Variants in FGGY observed in about 807,000 individuals in gnomAD.
FGGY encodes the protein FGGY carbohydrate kinase domain containing, also known as FGGY carbohydrate kinase domain-containing protein.
A neutral mutation model predicts 71.3 loss-of-function variants in FGGY; 72 were observed. The ratio of observed to expected loss-of-function variants is 1.01; its 90% CI spans 0.84 to 1.23. The LOEUF (loss-of-function observed/expected upper bound fraction) is 1.23, where lower values mean the gene tolerates loss of function less well. FGGY is among the 50% of genes most tolerant of loss of function. FGGY has a pLI of 0.00. For missense variants in FGGY, 668 were observed against 682.3 expected, an observed-to-expected ratio of 0.98 and a Z score of 0.23; for synonymous variants, 251 against 250.3, an observed-to-expected ratio of 1.00 and a Z score of -0.02.
Position 59,624,651 on chromosome 1 carries a change from G to C in FGGY, c.1012-1337G>C, listed in dbSNP as rs146951692. Among the ~76,000 whole-genome samples the C allele has an allele frequency of 1.1e-3, 175 of 152,228 alleles. 2 individuals are homozygous for C. The highest frequency in any genetic ancestry group is 3.9e-3 in the African/African-American group (163 of 41,538). Reference sequence around the variant, plus strand: ...TCACAATCATAGCAGAAGGCGAAAGGCATGTCTAACATGGCGGCAGGCAAG... The same window carrying C: ...TCACAATCATAGCAGAAGGCGAAAGCCATGTCTAACATGGCGGCAGGCAAG... On this transcript the variant is annotated intron_variant, in intron 9 of 15. Coordinates refer to ENST00000303721, the MANE Select transcript of FGGY (RefSeq NM_018291.5).
intron 5 of FGGY, among the ~76,000 whole-genome samples, chr1:59,414,087 G>C (rs1571853247): frequency 6.6e-6 from 1 of 152,210 alleles, no homozygotes; most frequent in South Asian, 2.1e-4. Flanking sequence ...AATTCTTCTT[G>C]TCATGACTGT....
chr1:59,609,147 A>G (rs2096651448), intron 9 of FGGY, among the ~76,000 whole-genome samples: 1 of 152,234 alleles, frequency 6.6e-6, no homozygotes, highest in Admixed American at 6.5e-5. Flanking sequence ...GAAAAAAGAC[A>G]TGGAAGTGAA....
intron 5 of FGGY, among the ~76,000 whole-genome samples, chr1:59,453,790 A>G (rs1317310871): frequency 6.6e-6 from 1 of 152,186 alleles, no homozygotes; most frequent in African/African-American, 2.4e-5. Flanking sequence ...TTTTGGCTAA[A>G]TTCAGTCATG....
At chr1:59,627,693 T>C (rs1480291655) in intron 10 of FGGY, among the ~76,000 whole-genome samples, 1 of 151,766 alleles carries the variant, frequency 6.6e-6, no homozygotes, top group East Asian at 1.9e-4. Flanking sequence ...ATAAAAGTAA[T>C]CAGGACTTCT....
chr1:59,719,244 A>G (rs1484448503), intron 14 of FGGY, among the ~76,000 whole-genome samples: 1 of 152,152 alleles, frequency 6.6e-6, no homozygotes, highest in Admixed American at 6.5e-5. Context: ...TTCTTAACAA[A>G]GAAGTCAACA....
intron 1 of FGGY, among the ~76,000 whole-genome samples, chr1:59,304,948 T>A (rs1184863179): frequency 6.6e-6 from 1 of 152,152 alleles, no homozygotes; most frequent in African/African-American, 2.4e-5. Flanking sequence ...TTATTAGTTC[T>A]AACAGTTTTT....
intron 4 of FGGY, among the ~76,000 whole-genome samples, chr1:59,357,489 T>A (rs9988574): frequency 0.023 from 3,465 of 152,306 alleles, 142 homozygotes; most frequent in African/African-American, 0.079. Flanking sequence ...ATGAAATGAC[T>A]TCTCTACAGG....
At chr1:59,696,594 TC>T (rs1218320368) in intron 14 of FGGY, among the ~76,000 whole-genome samples, 2 of 152,218 alleles carry the variant, frequency 1.3e-5, no homozygotes, top group African/African-American at 4.8e-5. Flanking sequence ...AGCATCAGAC[TC>T]CCAGTCCAGT....
chr1:59,301,329 CTT>C, intron 1 of FGGY, among the ~76,000 whole-genome samples: 1 of 152,166 alleles, frequency 6.6e-6, no homozygotes, highest in South Asian at 2.1e-4. Flanking sequence ...TGCTCATGTG[CTT>C]ATTATTTCTA....
chr1:59,392,840 C>T (rs553582175), intron 5 of FGGY, among the ~76,000 whole-genome samples: 68 of 152,232 alleles, frequency 4.5e-4, no homozygotes, highest in African/African-American at 1.6e-3. Context: ...GCCCTCTGTT[C>T]CCAGATCATT....
At chr1:59,635,794 C>T (rs1281495559) in intron 10 of FGGY, among the ~76,000 whole-genome samples, 1 of 152,138 alleles carries the variant, frequency 6.6e-6, no homozygotes, top group Non-Finnish European at 1.5e-5. Flanking sequence ...TTCAGAGGAT[C>T]CTTTCCTGAA....
intron 7 of FGGY, among the ~76,000 whole-genome samples, chr1:59,525,281 G>A (rs552034860): frequency 1.5e-3 from 222 of 152,312 alleles, no homozygotes; most frequent in Admixed American, 2.3e-3. Context: ...CCCTTGGTAG[G>A]TGTGGGATCC....
intron 14 of FGGY, among the ~76,000 whole-genome samples, chr1:59,740,373 A>C (rs937710623): frequency 1.3e-5 from 2 of 152,212 alleles, no homozygotes; most frequent in South Asian, 4.1e-4. Flanking sequence ...AACTACCTCT[A>C]AGAGAAAAGC....
At chr1:59,403,299 T>A (rs1044441987) in intron 5 of FGGY, among the ~76,000 whole-genome samples, 1 of 152,212 alleles carries the variant, frequency 6.6e-6, no homozygotes, top group Admixed American at 6.5e-5. Context: ...TAGACTATGC[T>A]TTGTCTATGT....
intron 8 of FGGY, among the ~76,000 whole-genome samples, chr1:59,605,872 T>G (rs2153814785): frequency 6.6e-6 from 1 of 152,258 alleles, no homozygotes; most frequent in East Asian, 1.9e-4. Flanking sequence ...GAGTAAATAT[T>G]TGTGAAATAT....
intron 14 of FGGY, among the ~76,000 whole-genome samples, chr1:59,683,813 T>C (rs1467231517): frequency 6.6e-6 from 1 of 152,234 alleles, no homozygotes; most frequent in Non-Finnish European, 1.5e-5. Flanking sequence ...AAATTAGTAA[T>C]TAAGTGCTAT....
intron 5 of FGGY, among the ~76,000 whole-genome samples, chr1:59,437,386 G>A (rs1405239382): frequency 1.3e-5 from 2 of 152,348 alleles, no homozygotes; most frequent in South Asian, 2.1e-4. Context: ...CACAGGCCAG[G>A]CACTGCGCTA....
chr1:59,646,359 A>G (rs1054130659), intron 11 of FGGY, among the ~76,000 whole-genome samples: 3 of 151,962 alleles, frequency 2.0e-5, no homozygotes, highest in Non-Finnish European at 2.9e-5. Flanking sequence ...ATCAAATCCT[A>G]TAACAAAGCT....
At chr1:59,557,998 A>G (rs2095717934) in intron 8 of FGGY, among the ~76,000 whole-genome samples, 2 of 152,158 alleles carry the variant, frequency 1.3e-5, no homozygotes, top group African/African-American at 4.8e-5. Context: ...GTTCTCTATC[A>G]TTGAAGGGAT....
Sources: allele counts gnomAD v4.1 joint callset (sites outside exome capture counted in the v4.1 genomes callset), GRCh38; gene constraint gnomAD v4.1.1; transcripts MANE v1.5; gene names NCBI Gene and HGNC (gene_info 2026-07-23, HGNC 2026-07-21).